SPATA13: variants seen among roughly 807,000 people sequenced by gnomAD.
The protein encoded by SPATA13 is spermatogenesis-associated protein 13.
SPATA13 carries 50 observed loss-of-function variants against 104.0 expected under a neutral mutation model. That is an observed-to-expected ratio of 0.48 (90% confidence interval 0.38 to 0.61). The LOEUF (loss-of-function observed/expected upper bound fraction) is 0.61, where lower values mean the gene tolerates loss of function less well. Ranked by LOEUF, SPATA13 falls within the 20% of genes least tolerant of loss-of-function variation. The pLI is 0.00. For missense variants in SPATA13, 1,524 were observed against 1,690.6 expected, an observed-to-expected ratio of 0.90 and a Z score of 1.73; for synonymous variants, 606 against 667.5, an observed-to-expected ratio of 0.91 and a Z score of 1.42.
chr13:24,299,709 C>G (rs1480325809), intron 11 of SPATA13, among the ~76,000 whole-genome samples: 1 of 152,168 alleles, frequency 6.6e-6, no homozygotes, highest in Non-Finnish European at 1.5e-5. Flanking sequence ...TACCTGCCTA[C>G]AGGAGGAAGG....
At chr13:24,284,085 A>G (rs1467148524) in intron 4 of SPATA13, 50 bp from the exon 5 acceptor site, 2 of 1,557,246 alleles carry the variant, frequency 1.3e-6, no homozygotes, top group Non-Finnish European at 8.7e-7. Flanking sequence ...ATATGAAAAA[A>G]TCTTGTTAGC....
chr13:24,006,347 A>C (rs1488475701), intron 2 of SPATA13, among the ~76,000 whole-genome samples: 1 of 152,252 alleles, frequency 6.6e-6, no homozygotes, highest in Non-Finnish European at 1.5e-5. Context: ...CAAGCATTTC[A>C]TAACATGAGG....
intron 3 of SPATA13, among the ~76,000 whole-genome samples, chr13:24,078,497 A>G (rs1487699542): frequency 6.6e-6 from 1 of 152,166 alleles, no homozygotes; most frequent in Non-Finnish European, 1.5e-5. Context: ...ACTTTTAGTG[A>G]CTAGTGGAGC....
In SPATA13 at chr13:24,088,486, G is replaced by T. The variant is rs1208750727; in HGVS notation, c.-112+70785G>T. Among the ~76,000 whole-genome samples, 1 of 152,134 alleles carries T rather than the reference G, an allele frequency of 6.6e-6. No individual in the cohort carries two copies. Among genetic ancestry groups the T allele is most frequent in the Non-Finnish European group, 1.5e-5 (1 of 68,022 alleles). On this transcript the variant is annotated intron_variant, in intron 3 of 14. Coordinates refer to the SPATA13 transcript ENST00000424834. The surrounding 1 kb of genome is among the most constrained non-coding windows in gnomAD (Gnocchi z 4.3). ...CCTGGACATTGACACTTCTCTTAGG[G>T]AAACACTGGGCACCATGTGTTGATC...
In SPATA13 at chr13:24,011,269, C is replaced by T. The variant is rs1876458415; in HGVS notation, c.-146-6398C>T. On this transcript the variant is annotated intron_variant, in intron 2 of 14. Coordinates refer to the SPATA13 transcript ENST00000424834. The surrounding 1 kb of genome is among the most constrained non-coding windows in gnomAD (Gnocchi z 4.3). ...CAGGGGAGTGGGCATCCACCCTGAGCACCTGGTTCTAGGAATTTCCCTTCC... is the reference window on the plus strand; with the variant it reads ...CAGGGGAGTGGGCATCCACCCTGAGTACCTGGTTCTAGGAATTTCCCTTCC... Among the ~76,000 whole-genome samples, 1 of 152,220 alleles carries T rather than the reference C, an allele frequency of 6.6e-6. No individual in the cohort carries two copies. The highest frequency in any genetic ancestry group is 6.5e-5 in the Admixed American group (1 of 15,286).
intron 1 of SPATA13, among the ~76,000 whole-genome samples, chr13:24,191,277 T>A (rs9511123): frequency 0.1 from 15,804 of 152,032 alleles, 929 homozygotes; most frequent in East Asian, 0.23. Context: ...TGCCCAGCCA[T>A]ATTTTAAAAT....
chr13:24,224,766 T>G, intron 2 of SPATA13, 184 bp downstream of exon 2: 5 of 683,056 alleles, frequency 7.3e-6, no homozygotes, highest in East Asian at 5.5e-5. Flanking sequence ...AAGTAATCTC[T>G]ATCTCCTTTG....
rs1871808662 is a variant in SPATA13, at chr13:24,224,380, G to A, written c.1451G>A (p.Ser484Asn). 6.4e-7 allele frequency: 1 copy of A among 1,551,588 alleles called. No homozygotes were observed. The highest frequency in any genetic ancestry group is 2.0e-5 in the Admixed American group (1 of 50,986). ...PQSPQSPGAG[S>N]ASCHSNHSAL... Reference sequence around the variant, plus strand: ...AGCCCCCAGAGCCCCGGGGCAGGAAGTGCCAGCTGTCACAGCAATCACAGT... The same window carrying A: ...AGCCCCCAGAGCCCCGGGGCAGGAAATGCCAGCTGTCACAGCAATCACAGT... Residue 484 changes from serine to asparagine, a missense_variant, in exon 2 of 13, where the codon AGT (serine) becomes AAT (asparagine). Transcript: ENST00000382108.
intron 3 of SPATA13, among the ~76,000 whole-genome samples, chr13:24,066,659 C>G (rs1265965130): frequency 6.6e-6 from 1 of 152,182 alleles, no homozygotes; most frequent in Non-Finnish European, 1.5e-5. Flanking sequence ...CTTCATGGGC[C>G]AGGAGGGGTC....
upstream of SPATA13, among the ~76,000 whole-genome samples, chr13:24,156,263 G>T (rs549229629): frequency 6.6e-6 from 1 of 152,276 alleles, no homozygotes; most frequent in South Asian, 2.1e-4. Flanking sequence ...TGCCATACCT[G>T]TTGTCCACAG....
intron 3 of SPATA13, among the ~76,000 whole-genome samples, chr13:24,100,116 A>G (rs551233170): frequency 5.9e-4 from 85 of 144,722 alleles, no homozygotes; most frequent in Non-Finnish European, 8.8e-4. Flanking sequence ...TCTATCAATG[A>G]TTTATTTTAT....
chr13:24,291,491 G>T (rs1359464102), intron 9 of SPATA13, among the ~76,000 whole-genome samples: 1 of 152,196 alleles, frequency 6.6e-6, no homozygotes, highest in East Asian at 1.9e-4. Context: ...CAGCTGAGAA[G>T]ACCAGGGCAT....
intron 3 of SPATA13, among the ~76,000 whole-genome samples, chr13:24,038,580 C>T (rs911203658): frequency 5.3e-5 from 8 of 151,996 alleles, no homozygotes; most frequent in African/African-American, 1.7e-4. Context: ...GGTAAAGTGC[C>T]GAGAGTAAGG....
At chr13:24,097,748 C>A (rs1024335038) in intron 3 of SPATA13, among the ~76,000 whole-genome samples, 1 of 152,156 alleles carries the variant, frequency 6.6e-6, no homozygotes, top group South Asian at 2.1e-4. Flanking sequence ...GGAGAGGGAC[C>A]CCCCAACATA....
chr13:23,991,905 A>G (rs950060875), intron 2 of SPATA13, among the ~76,000 whole-genome samples: 1 of 152,186 alleles, frequency 6.6e-6, no homozygotes, highest in African/African-American at 2.4e-5. Flanking sequence ...AGGCTTTGGT[A>G]TAGTGCAATG....
intron 1 of SPATA13, among the ~76,000 whole-genome samples, chr13:24,190,780 G>T (rs985412736): frequency 6.6e-6 from 1 of 152,180 alleles, no homozygotes; most frequent in Non-Finnish European, 1.5e-5. Context: ...CGGTTGAAAT[G>T]ACAACAAAGG....
At chr13:24,040,682 G>A (rs1220299795) in intron 3 of SPATA13, among the ~76,000 whole-genome samples, 1 of 152,120 alleles carries the variant, frequency 6.6e-6, no homozygotes, top group Non-Finnish European at 1.5e-5. Context: ...AATCCAACTA[G>A]GCCTCCTCTC....
chr13:24,078,727 AGCC>A (rs1879411550), intron 3 of SPATA13, among the ~76,000 whole-genome samples: 1 of 152,214 alleles, frequency 6.6e-6, no homozygotes, highest in Non-Finnish European at 1.5e-5. Flanking sequence ...TGCTGTCAAT[AGCC>A]CATCAGTGTA....
At chr13:24,146,977 A>G (rs545336620) in intron 3 of SPATA13, among the ~76,000 whole-genome samples, 22 of 152,162 alleles carry the variant, frequency 1.4e-4, no homozygotes, top group African/African-American at 5.1e-4. Flanking sequence ...AGAAATAAAG[A>G]GAAGAAAACA....
Sources: gnomAD v4.1 joint callset for allele counts (sites outside exome capture counted in the v4.1 genomes callset) on GRCh38, gnomAD v4.1.1 for gene constraint, Gnocchi (gnomAD v3.1) non-coding constraint, MANE v1.5 for transcripts, NCBI Gene and HGNC (gene_info 2026-07-23, HGNC 2026-07-21) for gene names.